SLC12A4: variants seen among roughly 807,000 people sequenced by gnomAD.
SLC12A4 encodes electroneutral potassium-chloride cotransporter 1.
In SLC12A4, 84 loss-of-function variants were observed where a neutral mutation model predicts 119.2. That is an observed-to-expected ratio of 0.70 (90% CI 0.59 to 0.85). The LOEUF (loss-of-function observed/expected upper bound fraction) is 0.85, where lower values mean the gene tolerates loss of function less well. Among genes scored for constraint, SLC12A4 ranks in the 40% least tolerant of loss-of-function variants. The probability of loss-of-function intolerance (pLI) is 0.00; values close to 1 mark genes in which losing one functional copy is unlikely to be tolerated. For synonymous variants in SLC12A4, 599 were observed against 604.6 expected, an observed-to-expected ratio of 0.99 and a Z score of 0.14; for missense variants, 1,298 against 1,476.3, an observed-to-expected ratio of 0.88 and a Z score of 1.98.
At chr16:67,963,598 G>GC (rs755302916) in intron 1 of SLC12A4, 39 bp from the exon 2 acceptor site, 4 of 1,446,154 alleles carry the variant, frequency 2.8e-6, no homozygotes, top group South Asian at 1.3e-5. Flanking sequence ...TGCTTCCTGA[G>GC]CCCCCCAGCC....
At chr16:67,958,846 G>T (rs1377737245) in intron 3 of SLC12A4, among the ~76,000 whole-genome samples, 1 of 152,042 alleles carries the variant, frequency 6.6e-6, no homozygotes, top group African/African-American at 2.4e-5. Context: ...TACCTCTCTC[G>T]GGAAGATGTC....
intron 1 of SLC12A4, chr16:67,966,911 C>A: frequency 6.8e-7 from 1 of 1,467,442 alleles, no homozygotes; most frequent in Non-Finnish European, 9.1e-7. Context: ...TCCAGTCACC[C>A]TGTAGGGGCC....
chr16:67,961,474 C>T (rs2030561358), intron 3 of SLC12A4, 101 bp downstream of exon 3: 4 of 1,506,966 alleles, frequency 2.7e-6, no homozygotes, highest in Non-Finnish European at 3.6e-6. Flanking sequence ...TTGGCACCCA[C>T]TTCCCCCAGT....
At chr16:67,947,236 C>T in intron 16 of SLC12A4, 95 bp downstream of exon 16, 1 of 1,494,082 alleles carries the variant, frequency 6.7e-7, no homozygotes, top group South Asian at 1.2e-5. Flanking sequence ...CCCCGGGCAG[C>T]CCCAGGATGG....
intron 1 of SLC12A4, among the ~76,000 whole-genome samples, chr16:67,967,725 G>A (rs1017926244): frequency 6.6e-6 from 1 of 152,264 alleles, no homozygotes; most frequent in Admixed American, 6.5e-5. Flanking sequence ...ACCCAGGCTT[G>A]ACTGCCCCTG....
chr16:67,950,409 AAAG>A lies in SLC12A4; in HGVS notation c.1536_1538del (p.Phe513del), dbSNP rs776364033. ...TCTGGAGGCCAGCGCCACACGTTGA[AAAG>A]AAGGAGCCGATGACGATGACCCAGG... On this transcript the variant is annotated inframe_deletion, in exon 12 of 24. Transcript: ENST00000316341. This position sits in a 1 kb window ranked among gnomAD's most constrained non-coding sequence, Gnocchi z 4.3. The A allele has an allele frequency of 1.2e-5, 19 of 1,613,894 alleles. No individual in the cohort carries two copies. Among genetic ancestry groups the A allele is most frequent in the Non-Finnish European group, 1.4e-5 (17 of 1,180,028 alleles).
intron 1 of SLC12A4, among the ~76,000 whole-genome samples, chr16:67,967,923 C>T (rs991480121): frequency 1.3e-5 from 2 of 152,158 alleles, no homozygotes; most frequent in African/African-American, 4.8e-5. Context: ...CACTCACGGG[C>T]AGTTACCCAT....
rs1345508277 is a variant in SLC12A4 at position 67,949,859 on chromosome 16, G to A, written c.1689C>T (p.Leu563=). 2 of 1,610,240 alleles carry A rather than the reference G, an allele frequency of 1.2e-6. No homozygotes were observed. Among genetic ancestry groups the A allele is most frequent in the African/African-American group, 1.3e-5 (1 of 74,658 alleles). ...CGATGAGGATGCCCAGCTCGGCGATGAGTGCCGTCAGGAGGAGTGCCCATG... is the reference window on the plus strand; with the variant it reads ...CGATGAGGATGCCCAGCTCGGCGATAAGTGCCGTCAGGAGGAGTGCCCATG... ...EPTWALLLTA[L]IAELGILIAS... Residue 563 remains leucine, a synonymous_variant, in exon 13 of 24, where the codon CTC becomes CTT. Transcript: ENST00000316341. The surrounding 1 kb of genome is among the most constrained non-coding windows in gnomAD (Gnocchi z 4.6).
intron 1 of SLC12A4, chr16:67,966,956 C>T (rs1176009145): frequency 1.5e-6 from 2 of 1,356,824 alleles, no homozygotes; most frequent in Admixed American, 2.8e-5. Flanking sequence ...CAGCTAGGCT[C>T]AGCTCTGCCT....
rs552212663 is a variant in SLC12A4 at position 67,949,361 on chromosome 16, G to T, written c.1748+439C>A. Among the ~76,000 whole-genome samples, 3 of 152,108 alleles carry T rather than the reference G, an allele frequency of 2.0e-5. No individual in the cohort carries two copies. Among genetic ancestry groups the T allele is most frequent in the East Asian group, 3.9e-4 (2 of 5,174 alleles). On this transcript the variant is annotated intron_variant, in intron 13 of 23. Coordinates refer to ENST00000316341, the MANE Select transcript of SLC12A4 (RefSeq NM_005072.5). The surrounding 1 kb of genome is among the most constrained non-coding windows in gnomAD (Gnocchi z 4.6). Reference sequence around the variant, plus strand: ...AGCTACTCAGGAGGCTGAGGCAGGAGAATTGCTTGAACCCAGGAGGCGGAG... The same window carrying T: ...AGCTACTCAGGAGGCTGAGGCAGGATAATTGCTTGAACCCAGGAGGCGGAG...
intron 1 of SLC12A4, among the ~76,000 whole-genome samples, 194 bp downstream of exon 1, chr16:67,968,245 C>A (rs1352431081): frequency 6.6e-6 from 1 of 152,028 alleles, no homozygotes. Context: ...GGCGCGGGCG[C>A]CGGGGGCCGA....
chr16:67,947,733 A>G lies in SLC12A4; in HGVS notation c.1903T>C (p.Trp635Arg). 6.2e-7 allele frequency: 1 copy of G among 1,600,926 alleles called. No homozygotes were observed. Among genetic ancestry groups the G allele is most frequent in the Non-Finnish European group, 8.5e-7 (1 of 1,174,014 alleles). ...LCLALMFVSS[W>R]YYALVAMLIA... ...AGCATGGCCACCAGGGCATAGTACC[A>G]GGAGGAGACAAACATAAGGGCCAGG... Residue 635 changes from tryptophan to arginine, a missense_variant, in exon 15 of 24, where the codon TGG (tryptophan) becomes CGG (arginine). Trp to Arg is a moderately radical substitution (Grantham distance 101). Transcript: ENST00000316341.
intron 5 of SLC12A4, among the ~76,000 whole-genome samples, chr16:67,957,159 T>C (rs2030308190): frequency 6.7e-6 from 1 of 149,806 alleles, no homozygotes; most frequent in Non-Finnish European, 1.5e-5. Flanking sequence ...CCCACCACCA[T>C]GCCTGGCTAA....
rs776358128 is a variant in SLC12A4 at position 67,958,051 on chromosome 16, G to C, written c.343-7C>G. 5 of 1,612,988 alleles carry C rather than the reference G, an allele frequency of 3.1e-6. No homozygotes were observed. In the African/African-American group the frequency reaches 6.7e-5, roughly 22 times the overall value. ...GGGTGCCCATGCTGGGTGCCTATGC[G>C]AACACAAAGGGAGGGGGCGAGTAGA... On this transcript the variant is annotated splice_region_variant and splice_polypyrimidine_tract_variant and intron_variant, in intron 3 of 23. Transcript: ENST00000316341.
intron 22 of SLC12A4, 67 bp from the exon 23 acceptor site, chr16:67,945,287 C>G (rs1410210231): frequency 1.3e-6 from 2 of 1,562,662 alleles, no homozygotes; most frequent in African/African-American, 2.7e-5. Context: ...CCACCCCTGG[C>G]CCATCTAACA....
Position 67,949,835 on chromosome 16 carries a change from G to GT in SLC12A4, c.1712_1713insA (p.Ala572ArgfsTer87). 1 of 1,610,220 alleles carries GT rather than the reference G, an allele frequency of 6.2e-7. No homozygotes were observed. The highest frequency in any genetic ancestry group is 8.5e-7 in the Non-Finnish European group (1 of 1,178,146). ...TGGGGGCCACCATGTCGAGGGAGGC[G>GT]ATGAGGATGCCCAGCTCGGCGATGA... On this transcript the variant is annotated frameshift_variant, in exon 13 of 24. Coordinates refer to ENST00000316341, the MANE Select transcript of SLC12A4 (RefSeq NM_005072.5). LOFTEE classifies it high-confidence loss of function. The surrounding 1 kb of genome is among the most constrained non-coding windows in gnomAD (Gnocchi z 4.6).
rs1053518095 is a variant in SLC12A4, at chr16:67,963,707, T to A, written c.116-148A>T. On this transcript the variant is annotated intron_variant, in intron 1 of 23. Coordinates refer to ENST00000316341, the MANE Select transcript of SLC12A4 (RefSeq NM_005072.5). Reference sequence around the variant, plus strand: ...GCAACTCAGTTTTCACATGGCACCGTGCCAATGCTCTTGAAGGCCCAGGGA... The same window carrying A: ...GCAACTCAGTTTTCACATGGCACCGAGCCAATGCTCTTGAAGGCCCAGGGA... 1.8e-5 allele frequency: 15 copies of A among 830,068 alleles called. No individual in the cohort carries two copies. In the African/African-American group the frequency reaches 2.4e-4, roughly 13 times the overall value. The allele number at this position is 830,068 out of a possible 1,614,324, so 51.4% of individuals were successfully genotyped here.
rs1344766245 is a variant in SLC12A4 at position 67,957,806 on chromosome 16, G to T, written c.490-10C>A. On this transcript the variant is annotated splice_polypyrimidine_tract_variant and intron_variant, in intron 4 of 23. Transcript: ENST00000316341. ...TGGCCGTCAGCAGGGTCTGTGGGAA[G>T]GAGGGCCTGGGTGAGCGGCTCAGCT... The T allele has an allele frequency of 6.2e-7, 1 of 1,614,186 alleles. No individual in the cohort carries two copies. Among genetic ancestry groups the T allele is most frequent in the Non-Finnish European group, 8.5e-7 (1 of 1,180,042 alleles).
chr16:67,961,016 G>C (rs897896123), intron 3 of SLC12A4, among the ~76,000 whole-genome samples: 3 of 152,010 alleles, frequency 2.0e-5, no homozygotes, highest in African/African-American at 7.3e-5. Context: ...TGACCTCCGA[G>C]AGACAACCTG....
Sources: allele counts gnomAD v4.1 joint callset (sites outside exome capture counted in the v4.1 genomes callset), GRCh38; gene constraint gnomAD v4.1.1; non-coding constraint Gnocchi (gnomAD v3.1); transcripts MANE v1.5; gene names NCBI Gene and HGNC (gene_info 2026-07-23, HGNC 2026-07-21).